The following FAT3 variants were observed in gnomAD, a reference collection of about 807,000 sequenced individuals.
FAT3 encodes protocadherin Fat 3.
Under a neutral mutation model 310.2 loss-of-function variants are expected in FAT3, and 95 were observed. The ratio of observed to expected loss-of-function variants is 0.31; its 90% CI spans 0.26 to 0.36. FAT3 has a LOEUF of 0.36. FAT3 is among the 10% of genes least tolerant of loss of function. FAT3 has a pLI of 1.00. For missense variants in FAT3, 5,408 were observed against 5,715.6 expected, an observed-to-expected ratio of 0.95 and a Z score of 1.74; for synonymous variants, 2,314 against 2,192.9, an observed-to-expected ratio of 1.06 and a Z score of -1.54.
chr11:92,684,797 C>T (rs530687748), intron 3 of FAT3, among the ~76,000 whole-genome samples: 3 of 152,268 alleles, frequency 2.0e-5, no homozygotes, highest in African/African-American at 7.2e-5. Context: ...TCTGATTCTT[C>T]CTGACTCTTT....
intron 2 of FAT3, among the ~76,000 whole-genome samples, chr11:92,411,357 A>T (rs902456920): frequency 1.3e-5 from 2 of 151,758 alleles, no homozygotes; most frequent in Non-Finnish European, 2.9e-5. Context: ...GTAAAATACT[A>T]TGGTGTAAGA....
intron 2 of FAT3, among the ~76,000 whole-genome samples, chr11:92,402,123 G>T (rs1950028364): frequency 2.0e-5 from 3 of 152,148 alleles, no homozygotes; most frequent in African/African-American, 7.2e-5. Context: ...TATAGGTAAT[G>T]TAAGCTGAGA....
rs1940117540 is a variant in FAT3, at chr11:92,603,291, AACTTCT to A, written c.3607+78344_3607+78349del. Among the ~76,000 whole-genome samples, 6 of 152,202 alleles carry A rather than the reference AACTTCT, an allele frequency of 3.9e-5. No individual in the cohort carries two copies. In the South Asian group the frequency reaches 1.2e-3, roughly 31 times the overall value. On this transcript the variant is annotated intron_variant, in intron 3 of 27. Transcript: ENST00000525166. ...TTCTAGGGGCGTGCAATTTCATAGT[AACTTCT>A]GCTTCTTTTGGAGAAACTAGATTGT...
chr11:92,836,735 C>T, intron 16 of FAT3, 32 bp downstream of exon 16: 1 of 1,596,072 alleles, frequency 6.3e-7, no homozygotes, highest in Non-Finnish European at 8.5e-7. Flanking sequence ...TCCTTCCCAT[C>T]CACATCCACC....
intron 2 of FAT3, among the ~76,000 whole-genome samples, chr11:92,466,595 A>G (rs1163222771): frequency 6.6e-6 from 1 of 150,564 alleles, no homozygotes; most frequent in Non-Finnish European, 1.5e-5. Flanking sequence ...TTTTATTATT[A>G]TTATACTTTA....
intron 3 of FAT3, among the ~76,000 whole-genome samples, chr11:92,638,322 G>A (rs80013684): frequency 0.023 from 3,456 of 152,294 alleles, 122 homozygotes; most frequent in African/African-American, 0.078. Context: ...CAGTAAAGCA[G>A]TCAGAGGCCT....
Position 92,846,707 on chromosome 11 carries a change from C to T in FAT3, c.11365+1975C>T, listed in dbSNP as rs1948692487. Reference sequence around the variant, plus strand: ...CTAGTCTCCATAAACCTTTCTACTCCCAGTAAATTTAGAATGCCAGAAGGT... The same window carrying T: ...CTAGTCTCCATAAACCTTTCTACTCTCAGTAAATTTAGAATGCCAGAAGGT... On this transcript the variant is annotated intron_variant, in intron 19 of 27. Coordinates refer to ENST00000525166, the MANE Select transcript of FAT3 (RefSeq NM_001367949.2). Among the ~76,000 whole-genome samples, 2 of 152,132 alleles carry T rather than the reference C, an allele frequency of 1.3e-5. 1 individual carries two copies. Among genetic ancestry groups the T allele is most frequent in the South Asian group, 4.1e-4 (2 of 4,828 alleles).
intron 3 of FAT3, among the ~76,000 whole-genome samples, chr11:92,690,515 G>T (rs968036740): frequency 2.6e-5 from 4 of 152,104 alleles, no homozygotes; most frequent in Non-Finnish European, 4.4e-5. Context: ...TCTCGTGGGG[G>T]TAGTTTCCAG....
At chr11:92,293,062 AAGGAAGGAAGGAAG>A (rs1946735493) in intron 1 of FAT3, among the ~76,000 whole-genome samples, 1 of 143,936 alleles carries the variant, frequency 6.9e-6, no homozygotes, top group African/African-American at 2.8e-5. Flanking sequence ...GGAAGGAAGG[AAGGAAGGAAGGAAG>A]GAAAGAAGGA....
chr11:92,633,536 T>C (rs1941640209), intron 3 of FAT3, among the ~76,000 whole-genome samples: 1 of 152,212 alleles, frequency 6.6e-6, no homozygotes, highest in South Asian at 2.1e-4. Flanking sequence ...CTTCATTCTC[T>C]GTGTCCTCAA....
At chr11:92,464,510 C>G (rs56125399) in intron 2 of FAT3, among the ~76,000 whole-genome samples, 2,312 of 152,296 alleles carry the variant, frequency 0.015, 55 homozygotes, top group African/African-American at 0.053. Flanking sequence ...TTTTCTTCAG[C>G]CTGAGGGAAG....
intron 13 of FAT3, among the ~76,000 whole-genome samples, chr11:92,817,999 G>A (rs1294043502): frequency 1.3e-5 from 2 of 152,164 alleles, no homozygotes; most frequent in Non-Finnish European, 2.9e-5. Context: ...TGGGTTCTCA[G>A]TTTCCTGTAT....
chr11:92,587,112 A>G (rs188366926), intron 3 of FAT3, among the ~76,000 whole-genome samples: 1 of 152,096 alleles, frequency 6.6e-6, no homozygotes, highest in East Asian at 1.9e-4. Context: ...GCCAAATACC[A>G]TTACATTTCT....
chr11:92,388,529 A>C lies in FAT3; in HGVS notation c.3292+33125A>C, dbSNP rs549993095. Among the ~76,000 whole-genome samples, 488 of 152,306 alleles carry C rather than the reference A, an allele frequency of 3.2e-3. 2 individuals are homozygous for C. The highest frequency in any genetic ancestry group is 0.011 in the African/African-American group (458 of 41,576). On this transcript the variant is annotated intron_variant, in intron 2 of 27. Coordinates refer to ENST00000525166, the MANE Select transcript of FAT3 (RefSeq NM_001367949.2). ...TTCTAAAGTGACGTATTTCAGACAT[A>C]GCAGGATAAAGACTTGGGTACATGT...
intron 3 of FAT3, among the ~76,000 whole-genome samples, chr11:92,584,379 A>G (rs7119322): frequency 0.016 from 2,417 of 152,148 alleles, 47 homozygotes; most frequent in East Asian, 0.05. Context: ...AATTCATAGA[A>G]TTAATTGAAG....
intron 4 of FAT3, among the ~76,000 whole-genome samples, chr11:92,747,728 T>C (rs2634180): frequency 0.59 from 89,026 of 152,086 alleles, 27,967 homozygotes; most frequent in African/African-American, 0.83. Flanking sequence ...AATCACCTCT[T>C]TCAAGTTTAA....
At chr11:92,795,806 G>A (rs1213392744) in intron 9 of FAT3, among the ~76,000 whole-genome samples, 4 of 152,252 alleles carry the variant, frequency 2.6e-5, no homozygotes, top group Non-Finnish European at 5.9e-5. Flanking sequence ...TACTCTGGAG[G>A]CTGAGGCAGG....
chr11:92,246,699 A>G (rs1269061901), intron 1 of FAT3, among the ~76,000 whole-genome samples: 1 of 152,080 alleles, frequency 6.6e-6, no homozygotes, highest in Non-Finnish European at 1.5e-5. Flanking sequence ...AAGTATGCCA[A>G]ATGTAAGTAC....
At chr11:92,464,917 T>C (rs767884911) in intron 2 of FAT3, among the ~76,000 whole-genome samples, 1 of 152,220 alleles carries the variant, frequency 6.6e-6, no homozygotes, top group Non-Finnish European at 1.5e-5. Context: ...GGCCAAAGCA[T>C]ACATTTGATA....
Sources: gnomAD v4.1 joint callset for allele counts (sites outside exome capture counted in the v4.1 genomes callset) on GRCh38, gnomAD v4.1.1 for gene constraint, MANE v1.5 for transcripts, NCBI Gene and HGNC (gene_info 2026-07-23, HGNC 2026-07-21) for gene names.